PHC1: variants seen among roughly 807,000 people sequenced by gnomAD.
PHC1 encodes the protein polyhomeotic homolog 1, also known as polyhomeotic-like protein 1.
Under a neutral mutation model 104.3 loss-of-function variants are expected in PHC1, and 12 were observed. That is an observed-to-expected ratio of 0.12 (90% CI 0.07 to 0.19). The LOEUF is 0.19. Ranked by LOEUF, PHC1 falls within the 10% of genes least tolerant of loss-of-function variation. PHC1 has a pLI of 1.00. For missense variants in PHC1, 671 were observed against 1,200.0 expected (o/e 0.56, Z 6.51); for synonymous variants, 302 against 455.8 (o/e 0.66, Z 4.30).
intron 6 of PHC1, among the ~76,000 whole-genome samples, chr12:8,927,901 C>CTTTTTT (rs1565517548): frequency 9.3e-6 from 1 of 108,032 alleles, no homozygotes; most frequent in African/African-American, 4.6e-5. Flanking sequence ...TTCTTTCTTT[C>CTTTTTT]TTTCTTTCTT....
intron 4 of PHC1, among the ~76,000 whole-genome samples, chr12:8,921,356 T>C (rs1292425873): frequency 1.3e-5 from 2 of 152,184 alleles, no homozygotes; most frequent in South Asian, 2.1e-4. Context: ...TCTGTTCTGT[T>C]TCAATCTTTT....
chr12:8,938,201 G>A (rs1945897385), intron 14 of PHC1, 141 bp downstream of exon 14: 5 of 611,582 alleles, frequency 8.2e-6, no homozygotes, highest in Non-Finnish European at 1.5e-5. Flanking sequence ...TAATATTCAA[G>A]TTGACTTCCT....
At position 8,936,906 on chromosome 12, in the gene PHC1, G is replaced by T. The variant is rs1317553289; in HGVS notation, c.2419G>T (p.Ala807Ser). 2 of 1,612,918 alleles carry T rather than the reference G, an allele frequency of 1.2e-6. No individual in the cohort carries two copies. Among genetic ancestry groups the T allele is most frequent in the South Asian group, 1.1e-5 (1 of 90,980 alleles). Reference protein sequence around the residue: ...LLKCEYCGKYAPAEQFRGSKR... With the variant: ...LLKCEYCGKYSPAEQFRGSKR... ...GAAGTGCGAGTACTGTGGGAAGTAC[G>T]CCCCCGCAGAGCAGTTTCGTGGCTC... The change falls in exon 12 of 15, where the codon GCC becomes TCC. Residue 807 changes from alanine to serine, a missense_variant. By Grantham distance (99) the Ala-to-Ser change is moderately conservative. Transcript: ENST00000544916.
At chr12:8,922,353 C>G (rs1945389148) in intron 5 of PHC1, among the ~76,000 whole-genome samples, 1 of 151,932 alleles carries the variant, frequency 6.6e-6, no homozygotes, top group African/African-American at 2.4e-5. Context: ...AGCCTACCTA[C>G]TTTCTATATA....
chr12:8,940,410 T>C lies in PHC1; in HGVS notation c.*951T>C. On this transcript the variant is annotated 3_prime_UTR_variant, in exon 15 of 15. Coordinates refer to ENST00000544916, the MANE Select transcript of PHC1 (RefSeq NM_004426.3). ...TTAAGAGTTTTTGTACAAAAGGTGA[T>C]GGTTTTTTTTCTTCATTTTAAAACA... The C allele has an allele frequency of 5.4e-6, 1 of 186,062 alleles. No homozygotes were observed. The highest frequency in any genetic ancestry group is 1.1e-5 in the Non-Finnish European group (1 of 87,452). The allele number at this position is 186,062 out of a possible 1,614,324, so 11.5% of individuals were successfully genotyped here.
chr12:8,925,037 G>A lies in PHC1; in HGVS notation c.612+2249G>A, dbSNP rs1172354824. On this transcript the variant is annotated intron_variant, in intron 6 of 14. Transcript: ENST00000544916. ...CCATATCCAGTTCTTTGATTTATCC[G>A]CTCATTCATTCATCAGATATTTGAG... Among the ~76,000 whole-genome samples, 2 of 152,090 alleles carry A rather than the reference G, an allele frequency of 1.3e-5. 1 individual carries two copies. Among genetic ancestry groups the A allele is most frequent in the African/African-American group, 4.8e-5 (2 of 41,414 alleles).
intron 7 of PHC1, 84 bp from the exon 8 acceptor site, chr12:8,932,479 A>G: frequency 6.8e-7 from 1 of 1,465,150 alleles, no homozygotes; most frequent in Non-Finnish European, 9.3e-7. Context: ...TATACCTTGG[A>G]AAAATGAATT....
chr12:8,916,834 A>C (rs918223409), intron 1 of PHC1, among the ~76,000 whole-genome samples: 12 of 152,044 alleles, frequency 7.9e-5, no homozygotes, highest in Non-Finnish European at 1.2e-4. Flanking sequence ...AACATGCCTG[A>C]GGTGTTATTA....
chr12:8,935,519 G>A (rs778416530), intron 11 of PHC1, among the ~76,000 whole-genome samples: 4 of 151,954 alleles, frequency 2.6e-5, no homozygotes, highest in African/African-American at 7.2e-5. Flanking sequence ...CCAGCTACTC[G>A]GGAGGCTGAG....
At position 8,919,542 on chromosome 12, in the gene PHC1, A is replaced by G. The variant is rs1338883682; in HGVS notation, c.115-214A>G. 2.0e-5 allele frequency among the ~76,000 whole-genome samples: 3 copies of G among 152,202 alleles called. No individual in the cohort carries two copies. The South Asian group carries it at 6.2e-4, about 31-fold the overall frequency. ...TAGGAGTTTGAGGTTACAGTAAACT[A>G]TGATCACGCCACTGTGCTCCAGCCT... On this transcript the variant is annotated intron_variant, in intron 2 of 14. Coordinates refer to ENST00000544916, the MANE Select transcript of PHC1 (RefSeq NM_004426.3). This position sits in a 1 kb window ranked among gnomAD's most constrained non-coding sequence, Gnocchi z 4.9.
intron 6 of PHC1, among the ~76,000 whole-genome samples, chr12:8,923,898 A>G (rs1324523611): frequency 6.6e-6 from 1 of 152,184 alleles, no homozygotes; most frequent in Non-Finnish European, 1.5e-5. Context: ...AGAACAAAAA[A>G]TAATACAAAA....
intron 11 of PHC1, among the ~76,000 whole-genome samples, chr12:8,936,096 T>G (rs749920965): frequency 6.6e-6 from 1 of 152,338 alleles, no homozygotes; most frequent in East Asian, 1.9e-4. Flanking sequence ...AGATGTATTT[T>G]TTGGCCGAGT....
At position 8,934,489 on chromosome 12, in the gene PHC1, G is replaced by T; in HGVS notation, c.2253+11G>T. On this transcript the variant is annotated intron_variant, in intron 10 of 14. Coordinates refer to ENST00000544916, the MANE Select transcript of PHC1 (RefSeq NM_004426.3). ...GCAGAACCTTTCCCGGTGAGGGCAG[G>T]GCCATAAGGTGGGACTTTGAAGTGG... is the stretch of plus-strand genomic sequence containing the variant. 6.2e-7 allele frequency: 1 copy of T among 1,604,498 alleles called. No homozygotes were observed. Among genetic ancestry groups the T allele is most frequent in the Non-Finnish European group, 8.5e-7 (1 of 1,174,446 alleles).
chr12:8,924,156 A>G (rs1188810123), intron 6 of PHC1, among the ~76,000 whole-genome samples: 2 of 152,216 alleles, frequency 1.3e-5, no homozygotes, highest in Admixed American at 1.3e-4. Flanking sequence ...AATGTGAGTC[A>G]GGTCTTCAAA....
At chr12:8,925,100 A>G (rs1235721392) in intron 6 of PHC1, among the ~76,000 whole-genome samples, 10 of 152,218 alleles carry the variant, frequency 6.6e-5, no homozygotes, top group Admixed American at 4.6e-4. Flanking sequence ...GTAGTTAAAA[A>G]TACGCATCTG....
At chr12:8,935,391 C>A (rs1945806187) in intron 11 of PHC1, among the ~76,000 whole-genome samples, 153 bp downstream of exon 11, 1 of 152,136 alleles carries the variant, frequency 6.6e-6, no homozygotes, top group Admixed American at 6.5e-5. Flanking sequence ...TTTGGGAGGC[C>A]AAGGCAGGCA....
At chr12:8,935,482 C>A (rs1350344944) in intron 11 of PHC1, among the ~76,000 whole-genome samples, 1 of 151,978 alleles carries the variant, frequency 6.6e-6, no homozygotes, top group Non-Finnish European at 1.5e-5. Context: ...AAAAATTAGC[C>A]TGGTGTGGCA....
chr12:8,938,974 C>G (rs144111101), intron 14 of PHC1, among the ~76,000 whole-genome samples: 1,659 of 152,244 alleles, frequency 0.011, 25 homozygotes, highest in African/African-American at 0.037. Context: ...TATAGGCATG[C>G]ATCACCATGC....
At chr12:8,922,910 T>A in intron 6 of PHC1, 122 bp downstream of exon 6, 1 of 837,922 alleles carries the variant, frequency 1.2e-6, no homozygotes, top group Admixed American at 3.1e-5. Flanking sequence ...TGTGTTTTGT[T>A]TTTCCTTCCC....
Sources: allele counts gnomAD v4.1 joint callset (sites outside exome capture counted in the v4.1 genomes callset), GRCh38; gene constraint gnomAD v4.1.1; non-coding constraint Gnocchi (gnomAD v3.1); transcripts MANE v1.5; gene names NCBI Gene and HGNC (gene_info 2026-07-23, HGNC 2026-07-21).